Variants in PRKAR2B observed in about 807,000 individuals in gnomAD.
PRKAR2B encodes the protein cAMP-dependent protein kinase type II-beta regulatory subunit.
Under a neutral mutation model 49.9 loss-of-function variants are expected in PRKAR2B, and 14 were observed. That is an observed-to-expected ratio of 0.28 (90% confidence interval 0.19 to 0.44). The LOEUF (loss-of-function observed/expected upper bound fraction) is 0.44. PRKAR2B is among the 20% of genes least tolerant of loss of function. The pLI, the probability that PRKAR2B is intolerant of heterozygous loss-of-function variation, is 1.00. For synonymous variants in PRKAR2B, 196 were observed against 197.7 expected (o/e 0.99, Z 0.07); for missense variants, 393 against 537.9 (o/e 0.73, Z 2.67).
intron 2 of PRKAR2B, among the ~76,000 whole-genome samples, chr7:107,084,233 C>T (rs1020322036): frequency 6.6e-6 from 1 of 152,040 alleles, no homozygotes; most frequent in Non-Finnish European, 1.5e-5. Context: ...AAGTTTTTTA[C>T]ATTTTAAAGT....
At chr7:107,134,032 G>A (rs77158488) in intron 4 of PRKAR2B, among the ~76,000 whole-genome samples, 1 of 150,768 alleles carries the variant, frequency 6.6e-6, no homozygotes. Context: ...GTTTTTTTTT[G>A]TTGTTGTTGT....
At chr7:107,155,388 T>C (rs778698992) in intron 8 of PRKAR2B, among the ~76,000 whole-genome samples, 1 of 152,086 alleles carries the variant, frequency 6.6e-6, no homozygotes, top group Non-Finnish European at 1.5e-5. Context: ...ACCCCATCTC[T>C]AATAAAAATA....
intron 1 of PRKAR2B, among the ~76,000 whole-genome samples, chr7:107,065,322 ATGTGTGTGTGTGTGTG>A (rs71134248): frequency 0.11 from 15,954 of 143,760 alleles, 1,112 homozygotes; most frequent in African/African-American, 0.19. Context: ...GGGTGTGTGT[ATGTGTGTGTGTGTGTG>A]TGTGTGTGTG....
chr7:107,159,018 T>G (rs1010717036), intron 10 of PRKAR2B, among the ~76,000 whole-genome samples: 1 of 152,154 alleles, frequency 6.6e-6, no homozygotes, highest in African/African-American at 2.4e-5. Context: ...TTACAAAAGG[T>G]TAACACTTGG....
chr7:107,080,980 A>C (rs545937729), intron 2 of PRKAR2B, among the ~76,000 whole-genome samples: 51 of 152,364 alleles, frequency 3.3e-4, no homozygotes, highest in African/African-American at 1.2e-3. Flanking sequence ...AAGAGAATGC[A>C]GGCAAAGCTT....
chr7:107,069,214 G>A (rs144989817), intron 1 of PRKAR2B, among the ~76,000 whole-genome samples: 1 of 152,186 alleles, frequency 6.6e-6, no homozygotes, highest in African/African-American at 2.4e-5. Flanking sequence ...GGGATTACAG[G>A]CGTGAGCCAC....
intron 4 of PRKAR2B, among the ~76,000 whole-genome samples, chr7:107,132,509 T>G (rs528145540): frequency 6.6e-6 from 1 of 152,086 alleles, no homozygotes; most frequent in Admixed American, 6.5e-5. Context: ...GGTCATGATC[T>G]AGGGAAGAGA....
intron 1 of PRKAR2B, among the ~76,000 whole-genome samples, chr7:107,054,497 C>A (rs931326589): frequency 6.6e-6 from 1 of 152,180 alleles, no homozygotes; most frequent in African/African-American, 2.4e-5. Context: ...AAATCTCACT[C>A]TTTTCCCAAA....
intron 2 of PRKAR2B, among the ~76,000 whole-genome samples, chr7:107,088,290 G>A (rs1432757055): frequency 2.6e-5 from 4 of 152,076 alleles, no homozygotes. Context: ...AATCTGTGGG[G>A]TGATTTATTT....
At chr7:107,060,719 T>G (rs1794012727) in intron 1 of PRKAR2B, among the ~76,000 whole-genome samples, 1 of 151,928 alleles carries the variant, frequency 6.6e-6, no homozygotes, top group Non-Finnish European at 1.5e-5. Flanking sequence ...AATCTTAGGT[T>G]TGTCTTTTCA....
chr7:107,152,713 C>G (rs891837654), intron 7 of PRKAR2B, among the ~76,000 whole-genome samples: 4 of 152,216 alleles, frequency 2.6e-5, no homozygotes, highest in Admixed American at 2.0e-4. Flanking sequence ...GGATTATCAG[C>G]TTACATCTGG....
chr7:107,071,773 T>C (rs927819612), intron 2 of PRKAR2B, among the ~76,000 whole-genome samples: 1 of 152,204 alleles, frequency 6.6e-6, no homozygotes, highest in African/African-American at 2.4e-5. Flanking sequence ...TTGTACATTA[T>C]ACGTATCATT....
chr7:107,048,616 G>A (rs1402749800), intron 1 of PRKAR2B, among the ~76,000 whole-genome samples: 1 of 152,188 alleles, frequency 6.6e-6, no homozygotes, highest in African/African-American at 2.4e-5. Flanking sequence ...AATAAGCCAG[G>A]CACCTGCAGT....
intron 2 of PRKAR2B, among the ~76,000 whole-genome samples, chr7:107,106,072 C>G (rs184510303): frequency 6.6e-6 from 1 of 152,218 alleles, no homozygotes; most frequent in East Asian, 1.9e-4. Context: ...GATAGCTCAC[C>G]CTTTCGGGGA....
chr7:107,094,115 T>G (rs112855741), intron 2 of PRKAR2B, among the ~76,000 whole-genome samples: 3,523 of 152,358 alleles, frequency 0.023, 60 homozygotes, highest in Middle Eastern at 0.078. Context: ...TGAACTAGTT[T>G]ACAGTCCCAC....
chr7:107,142,642 C>A lies in PRKAR2B; in HGVS notation c.587+1689C>A, dbSNP rs117170398. Among the ~76,000 whole-genome samples, 6 of 152,156 alleles carry A rather than the reference C, an allele frequency of 3.9e-5. No individual in the cohort carries two copies. In the East Asian group the frequency reaches 1.2e-3, roughly 29 times the overall value. ...TGGTTCAGATCACCCAAATGACTGGCGTAGAGCCAACTCCACAGCCAGGTC... is the reference window on the plus strand; with the variant it reads ...TGGTTCAGATCACCCAAATGACTGGAGTAGAGCCAACTCCACAGCCAGGTC... On this transcript the variant is annotated intron_variant, in intron 5 of 10. Transcript: ENST00000265717.
intron 2 of PRKAR2B, among the ~76,000 whole-genome samples, chr7:107,109,792 G>T (rs907254198): frequency 7.9e-5 from 12 of 152,060 alleles, no homozygotes; most frequent in Non-Finnish European, 1.8e-4. Flanking sequence ...AAAAGTTGGT[G>T]AACAATTTCC....
chr7:107,063,313 C>G (rs1264286990), intron 1 of PRKAR2B, among the ~76,000 whole-genome samples: 1 of 152,098 alleles, frequency 6.6e-6, no homozygotes, highest in Non-Finnish European at 1.5e-5. Flanking sequence ...TCTTTAGGTG[C>G]CACCCCTATT....
rs767539440 is a variant in PRKAR2B, at chr7:107,087,901, T to TTTAATTTATATATTTTAAC, written c.343+17587_343+17605dup. Among the ~76,000 whole-genome samples the TTTAATTTATATATTTTAAC allele has an allele frequency of 8.6e-3, 1,306 of 152,222 alleles. 20 individuals carry two copies. Among genetic ancestry groups the TTTAATTTATATATTTTAAC allele is most frequent in the Non-Finnish European group, 0.014 (941 of 68,010 alleles). On this transcript the variant is annotated intron_variant, in intron 2 of 10. Coordinates refer to ENST00000265717, the MANE Select transcript of PRKAR2B (RefSeq NM_002736.3). ...ATATGATAAAGTTTATACATTTTAATTTAATTTATATATTTTAACTCAGGG... is the reference window on the plus strand; with the variant it reads ...ATATGATAAAGTTTATACATTTTAATTTAATTTATATATTTTAACTTAATTTATATATTTTAACTCAGGG...
Sources: gnomAD v4.1 joint callset for allele counts (sites outside exome capture counted in the v4.1 genomes callset) on GRCh38, gnomAD v4.1.1 for gene constraint, MANE v1.5 for transcripts, NCBI Gene and HGNC (gene_info 2026-07-23, HGNC 2026-07-21) for gene names.